CCDC192: variants seen among roughly 807,000 people sequenced by gnomAD.
CCDC192 encodes coiled-coil domain-containing protein 192.
At chr5:127,756,414 G>A (rs1754597331) in intron 3 of CCDC192, among the ~76,000 whole-genome samples, 1 of 152,154 alleles carries the variant, frequency 6.6e-6, no homozygotes, top group Non-Finnish European at 1.5e-5. Flanking sequence ...GGGAAGTGGG[G>A]AGTGCTGGTT....
chr5:127,923,708 A>AT lies in CCDC192; in HGVS notation c.536-17463dup, dbSNP rs1038485076. On this transcript the variant is annotated intron_variant, in intron 6 of 6. Transcript: ENST00000514853. Reference sequence around the variant, plus strand: ...TTAGTCTTAACCAATCATGGCATTGATTTTTTTTTTTCTTTGTCAAGGGCT... The same window carrying AT: ...TTAGTCTTAACCAATCATGGCATTGATTTTTTTTTTTTCTTTGTCAAGGGCT... 1.2e-3 allele frequency among the ~76,000 whole-genome samples: 175 copies of AT among 148,386 alleles called. 3 individuals carry two copies. In the South Asian group the frequency reaches 0.013, roughly 11 times the overall value.
intron 5 of CCDC192, among the ~76,000 whole-genome samples, chr5:127,807,242 GT>G (rs1757840621): frequency 6.6e-6 from 1 of 152,126 alleles, no homozygotes; most frequent in Non-Finnish European, 1.5e-5. Context: ...TGAGATTATA[GT>G]TTATAATTCT....
intron 5 of CCDC192, among the ~76,000 whole-genome samples, chr5:127,852,384 G>T (rs1326717268): frequency 6.6e-6 from 1 of 152,188 alleles, no homozygotes. Context: ...TACCTGTTCA[G>T]CCTGTGGAAG....
chr5:127,931,834 T>G (rs1216160571), intron 6 of CCDC192, among the ~76,000 whole-genome samples: 2 of 152,088 alleles, frequency 1.3e-5, no homozygotes, highest in African/African-American at 4.8e-5. Flanking sequence ...GGGATCAATT[T>G]TTCTAACTTT....
chr5:127,884,486 C>A (rs888429124), intron 6 of CCDC192, among the ~76,000 whole-genome samples: 2 of 150,332 alleles, frequency 1.3e-5, no homozygotes, highest in Non-Finnish European at 2.9e-5. Context: ...TACTTGCAAT[C>A]AAGGAACATT....
chr5:127,774,199 T>C (rs1328492837), intron 3 of CCDC192, among the ~76,000 whole-genome samples: 1 of 152,178 alleles, frequency 6.6e-6, no homozygotes, highest in Admixed American at 6.5e-5. Flanking sequence ...TTTTCTCACA[T>C]CTCGTAAGTT....
At chr5:127,864,675 A>G (rs1017603164) in intron 5 of CCDC192, among the ~76,000 whole-genome samples, 4 of 152,218 alleles carry the variant, frequency 2.6e-5, no homozygotes, top group Admixed American at 1.3e-4. Flanking sequence ...CTCCATAGTA[A>G]AAGTTCACAT....
chr5:127,745,078 C>T (rs1398675349), intron 2 of CCDC192, among the ~76,000 whole-genome samples: 3 of 152,164 alleles, frequency 2.0e-5, no homozygotes, highest in South Asian at 2.1e-4. Flanking sequence ...CCTTGACTGC[C>T]GAGCCTTTAA....
intron 2 of CCDC192, among the ~76,000 whole-genome samples, chr5:127,709,587 T>C (rs767691197): frequency 3.9e-5 from 6 of 152,198 alleles, no homozygotes; most frequent in Non-Finnish European, 5.9e-5. Context: ...CTAGACAAAC[T>C]GGACATAGCT....
intron 5 of CCDC192, among the ~76,000 whole-genome samples, chr5:127,815,826 C>G (rs1158442740): frequency 1.3e-5 from 2 of 151,624 alleles, no homozygotes; most frequent in African/African-American, 4.9e-5. Context: ...GTAGGTTGCA[C>G]CATTGCACTC....
At chr5:127,832,162 C>A (rs1206543238) in intron 5 of CCDC192, among the ~76,000 whole-genome samples, 1 of 152,114 alleles carries the variant, frequency 6.6e-6, no homozygotes, top group Non-Finnish European at 1.5e-5. Context: ...TTTAATCTCA[C>A]CAGTATTCAG....
chr5:127,889,915 A>G (rs245170), intron 6 of CCDC192, among the ~76,000 whole-genome samples: 42,453 of 151,472 alleles, frequency 0.28, 6,238 homozygotes, highest in African/African-American at 0.36. Flanking sequence ...ATTCAAGGTA[A>G]CTTTTCTGGT....
intron 6 of CCDC192, among the ~76,000 whole-genome samples, chr5:127,931,933 C>G (rs113193798): frequency 6.6e-6 from 1 of 151,840 alleles, no homozygotes; most frequent in Non-Finnish European, 1.5e-5. Flanking sequence ...AGGTGGATCA[C>G]GAGGTCAGGA....
At chr5:127,764,471 T>A (rs1218329664) in intron 3 of CCDC192, among the ~76,000 whole-genome samples, 2 of 152,328 alleles carry the variant, frequency 1.3e-5, no homozygotes, top group Middle Eastern at 3.4e-3. Flanking sequence ...TATGTTAGAA[T>A]CATTAGATGT....
chr5:127,708,540 C>G (rs1422063290), intron 2 of CCDC192, among the ~76,000 whole-genome samples: 3 of 152,150 alleles, frequency 2.0e-5, no homozygotes, highest in Non-Finnish European at 4.4e-5. Flanking sequence ...CTTTTCAGCT[C>G]TAATATAGAG....
rs1752044263 is a variant in CCDC192, at chr5:127,875,570, A to G, written c.444A>G (p.Leu148=). 5 of 398,584 alleles carry G rather than the reference A, an allele frequency of 1.3e-5. No homozygotes were observed. The highest frequency in any genetic ancestry group is 2.2e-5 in the Non-Finnish European group (5 of 225,996). The allele number at this position is 398,584 out of a possible 1,614,324, so 24.7% of individuals were successfully genotyped here. ...AGCATGAAAAGAAAGTGAAAAAACT[A>G]CAGACTGATTTGGCAACAGCTAATG... ...KLKHEKKVKK[L]QTDLATANAI... Residue 148 remains leucine (L), a synonymous_variant, in exon 6 of 7, where the codon CTA becomes CTG. Transcript: ENST00000514853.
At position 127,887,706 on chromosome 5, in the gene CCDC192, A is replaced by AT. The variant is rs201453082; in HGVS notation, c.535+12060dup. The stretch of plus-strand genomic sequence containing the variant: ...AATTAATTCATAATTTTTATTAACT[A>AT]TTTTTTTTTTTTTTTGAGACAGAGT... On this transcript the variant is annotated intron_variant, in intron 6 of 6. Coordinates refer to ENST00000514853, the MANE Select transcript of CCDC192 (RefSeq NM_001317938.2). Among the ~76,000 whole-genome samples the AT allele has an allele frequency of 4.9e-3, 693 of 140,498 alleles. 4 individuals carry two copies. Among genetic ancestry groups the AT allele is most frequent in the African/African-American group, 0.013 (499 of 38,532 alleles). The allele number at this position is 140,498 out of a possible 152,430, so 92.2% of individuals were successfully genotyped here.
intron 5 of CCDC192, among the ~76,000 whole-genome samples, chr5:127,866,235 A>G (rs1344994695): frequency 2.0e-5 from 3 of 152,048 alleles, no homozygotes; most frequent in African/African-American, 4.8e-5. Context: ...TTGATATTCT[A>G]GGGAATATTA....
At chr5:127,789,034 T>C (rs1335028495) in intron 3 of CCDC192, among the ~76,000 whole-genome samples, 1 of 152,188 alleles carries the variant, frequency 6.6e-6, no homozygotes, top group Admixed American at 6.5e-5. Context: ...AAGAGGGGCC[T>C]CACAAGACAC....
Sources: gnomAD v4.1 joint callset for allele counts (sites outside exome capture counted in the v4.1 genomes callset) on GRCh38, gnomAD v4.1.1 for gene constraint, MANE v1.5 for transcripts, NCBI Gene and HGNC (gene_info 2026-07-23, HGNC 2026-07-21) for gene names.